The following SALL4 variants were observed in gnomAD, a reference collection of about 807,000 sequenced individuals.
SALL4 encodes the protein spalt like transcription factor 4.
A neutral mutation model predicts 60.8 loss-of-function variants in SALL4; 4 were observed. That is an observed-to-expected ratio of 0.07 (90% CI 0.03 to 0.15). SALL4 has a LOEUF of 0.15. Among genes scored for constraint, SALL4 ranks in the 10% least tolerant of loss-of-function variants. The pLI is 1.00. For missense variants in SALL4, 1,178 were observed against 1,394.7 expected, an observed-to-expected ratio of 0.84 and a Z score of 2.48; for synonymous variants, 580 against 574.9, an observed-to-expected ratio of 1.01 and a Z score of -0.13.
Position 51,784,102 on chromosome 20 carries a change from G to T in SALL4, c.*163C>A. On this transcript the variant is annotated 3_prime_UTR_variant, in exon 4 of 4. Transcript: ENST00000217086. ...TTTGCAAAGCAGCATAGCAACAATC[G>T]TGATTGTAGCACTTGCCTGAGGTTG... 2 of 760,452 alleles carry T rather than the reference G, an allele frequency of 2.6e-6. No individual in the cohort carries two copies. The highest frequency in any genetic ancestry group is 3.3e-5 in the South Asian group (2 of 60,140). 47.1% of individuals were successfully genotyped at this position (760,452 alleles called of 1,614,324 possible).
chr20:51,786,670 A>G (rs985040626), intron 3 of SALL4, among the ~76,000 whole-genome samples: 3 of 152,254 alleles, frequency 2.0e-5, no homozygotes, highest in African/African-American at 7.2e-5. Flanking sequence ...ATTATGCTAC[A>G]ATGTTGATAC....
At chr20:51,785,921 C>T (rs550967619) in intron 3 of SALL4, among the ~76,000 whole-genome samples, 19 of 151,804 alleles carry the variant, frequency 1.3e-4, no homozygotes, top group Middle Eastern at 3.4e-3. Flanking sequence ...GAATTACAGG[C>T]GTGAGCCACC....
At chr20:51,786,452 G>C (rs889320190) in intron 3 of SALL4, among the ~76,000 whole-genome samples, 6 of 151,304 alleles carry the variant, frequency 4.0e-5, no homozygotes, top group Non-Finnish European at 7.4e-5. Context: ...AGCTGGTCTC[G>C]AACTCCTGGC....
Position 51,784,447 on chromosome 20 carries a change from C to T in SALL4, c.2980G>A (p.Gly994Arg), listed in dbSNP as rs1322844313. 3 of 1,614,206 alleles carry T rather than the reference C, an allele frequency of 1.9e-6. No homozygotes were observed. Among genetic ancestry groups the T allele is most frequent in the Admixed American group, 3.3e-5 (2 of 60,022 alleles). Residue 994 changes from glycine to arginine, a missense_variant, in exon 4 of 4, where the codon GGG becomes AGG. Transcript: ENST00000217086. ...AAGGAAACCGGGAGGGTAGGAACCCCCCCACTCTGGATCACAGAGATCTCA... is the reference window on the plus strand; with the variant it reads ...AAGGAAACCGGGAGGGTAGGAACCCTCCCACTCTGGATCACAGAGATCTCA... ...TNEISVIQSG[G>R]VPTLPVSLGA...
intron 1 of SALL4, among the ~76,000 whole-genome samples, chr20:51,796,558 G>C (rs1240341302): frequency 1.3e-5 from 2 of 152,172 alleles, no homozygotes; most frequent in African/African-American, 4.8e-5. Context: ...CAAAAGATTA[G>C]ACACCCTTGC....
In SALL4 at chr20:51,784,625, G is replaced by C; in HGVS notation, c.2802C>G (p.Ala934=). Residue 934 remains alanine, a synonymous_variant, in exon 4 of 4, where the codon GCC becomes GCG. Transcript: ENST00000217086. ...NNSARRGRKL[A]IENTMALLGT... is the part of the protein sequence containing the mutation. ...CTAACAGAGCCATGGTGTTCTCGAT[G>C]GCCAACTTCCTTCCACGGCGGGCTG... is the stretch of plus-strand genomic sequence containing the variant. The C allele has an allele frequency of 6.2e-7, 1 of 1,614,194 alleles. No individual in the cohort carries two copies. The highest frequency in any genetic ancestry group is 1.1e-5 in the South Asian group (1 of 91,074).
intron 1 of SALL4, among the ~76,000 whole-genome samples, chr20:51,793,671 C>T (rs183111077): frequency 4.6e-5 from 7 of 152,312 alleles, no homozygotes; most frequent in Non-Finnish European, 1.5e-5. Context: ...GCAAGTGATC[C>T]GTCTGCCTCA....
In SALL4 at chr20:51,791,009, C is replaced by T; in HGVS notation, c.1474G>A (p.Gly492Arg). 1 of 1,614,082 alleles carries T rather than the reference C, an allele frequency of 6.2e-7. No homozygotes were observed. Among genetic ancestry groups the T allele is most frequent in the Non-Finnish European group, 8.5e-7 (1 of 1,180,018 alleles). ...CCCGTGAGGTCCTTGGGATTAGTCC[C>T]CGAAGAAAGATTCTGAGGTAGCCCT... ...SVGLPQNLSS[G>R]TNPKDLTGGS... Residue 492 changes from glycine to arginine, a missense_variant, in exon 2 of 4, where the codon GGG (glycine) becomes AGG (arginine). Physicochemically the swap from Gly to Arg is moderately radical, Grantham distance 125. Around this residue, in one of 5 missense-constraint regions of SALL4, gnomAD observed 853 missense variants for 1,036.8 expected, o/e 0.82. Transcript: ENST00000217086. This position sits in a 1 kb window ranked among gnomAD's most constrained non-coding sequence, Gnocchi z 4.6.
chr20:51,788,791 C>T lies in SALL4; in HGVS notation c.2742+70G>A. 8.8e-6 allele frequency: 14 copies of T among 1,591,626 alleles called. No individual in the cohort carries two copies. The highest frequency in any genetic ancestry group is 1.2e-5 in the Non-Finnish European group (14 of 1,167,476). On this transcript the variant is annotated intron_variant, in intron 3 of 3. Coordinates refer to ENST00000217086, the MANE Select transcript of SALL4 (RefSeq NM_020436.5). This position sits in a 1 kb window ranked among gnomAD's most constrained non-coding sequence, Gnocchi z 4.1. ...GGAATGGAAGGATGGAAGAACTCATCACGGCTTGTGCCAATAAGAAGACAC... is the reference window on the plus strand; with the variant it reads ...GGAATGGAAGGATGGAAGAACTCATTACGGCTTGTGCCAATAAGAAGACAC...
intron 1 of SALL4, 54 bp from the exon 2 acceptor site, chr20:51,792,406 G>A (rs1208674157): frequency 1.3e-6 from 2 of 1,592,124 alleles, no homozygotes; most frequent in Non-Finnish European, 1.7e-6. Flanking sequence ...GATGTGGGGG[G>A]AGCCGGGCAC....
rs1047132560 is a variant in SALL4 at position 51,790,430 on chromosome 20, C to T, written c.2053G>A (p.Asp685Asn). 2 of 1,613,974 alleles carry T rather than the reference C, an allele frequency of 1.2e-6. No homozygotes were observed. Among genetic ancestry groups the T allele is most frequent in the African/African-American group, 2.7e-5 (2 of 74,866 alleles). ...ENGSTGAICH[D>N]DVIESIDVEE... is the part of the protein sequence containing the mutation. Reference sequence around the variant, plus strand: ...ACATCGATGCTTTCGATGACATCATCATGGCAGATAGCGCCGGTGCTGCCG... The same window carrying T: ...ACATCGATGCTTTCGATGACATCATTATGGCAGATAGCGCCGGTGCTGCCG... The change falls in exon 2 of 4, where the codon GAT becomes AAT. Residue 685 changes from aspartate (D) to asparagine (N), a missense_variant. Coordinates refer to ENST00000217086, the MANE Select transcript of SALL4 (RefSeq NM_020436.5). This position sits in a 1 kb window ranked among gnomAD's most constrained non-coding sequence, Gnocchi z 5.5.
chr20:51,794,077 A>G (rs2078065840), intron 1 of SALL4, among the ~76,000 whole-genome samples: 1 of 152,236 alleles, frequency 6.6e-6, no homozygotes, highest in South Asian at 2.1e-4. Context: ...AGATGCCTGG[A>G]TTTACTGATT....
chr20:51,796,859 C>T (rs1256299024), intron 1 of SALL4, among the ~76,000 whole-genome samples: 1 of 151,954 alleles, frequency 6.6e-6, no homozygotes, highest in East Asian at 1.9e-4. Context: ...TTATAAAGTT[C>T]TAATATCACA....
At chr20:51,793,015 A>G in intron 1 of SALL4, 1 of 978,818 alleles carries the variant, frequency 1.0e-6, no homozygotes, top group Non-Finnish European at 1.2e-6. Flanking sequence ...ACACGAGCAT[A>G]CAATGATCTA....
In SALL4 at chr20:51,791,503, A is replaced by G. The variant is rs774875211; in HGVS notation, c.980T>C (p.Met327Thr). The G allele has an allele frequency of 1.2e-6, 2 of 1,614,102 alleles. No homozygotes were observed. The highest frequency in any genetic ancestry group is 1.7e-5 in the Admixed American group (1 of 60,034). ...PDGTRVLPNV[M>T]SRLPSALLPQ... ...AAGCAAAGCGCTCGGGAGGCGGGACATGACGTTCGGGAGCACCCGGGTCCC... is the reference window on the plus strand; with the variant it reads ...AAGCAAAGCGCTCGGGAGGCGGGACGTGACGTTCGGGAGCACCCGGGTCCC... The change falls in exon 2 of 4, where the codon ATG (methionine) becomes ACG (threonine). Residue 327 changes from methionine (M) to threonine (T), a missense_variant. Met to Thr is a moderately conservative substitution (Grantham distance 81, BLOSUM62 -1). Coordinates refer to ENST00000217086, the MANE Select transcript of SALL4 (RefSeq NM_020436.5). The surrounding 1 kb of genome is among the most constrained non-coding windows in gnomAD (Gnocchi z 4.6).
rs921501156 is a variant in SALL4, at chr20:51,784,006, C to T, written c.*259G>A. On this transcript the variant is annotated 3_prime_UTR_variant, in exon 4 of 4. Transcript: ENST00000217086. ...CTGCACTCCAGCCTGGGTGATAGAGCGAGACTCCATCTCAAAAAAAAAGAG... is the reference window on the plus strand; with the variant it reads ...CTGCACTCCAGCCTGGGTGATAGAGTGAGACTCCATCTCAAAAAAAAAGAG... 6 of 458,940 alleles carry T rather than the reference C, an allele frequency of 1.3e-5. No individual in the cohort carries two copies. Among genetic ancestry groups the T allele is most frequent in the African/African-American group, 6.0e-5 (3 of 50,270 alleles). 28.4% of individuals were successfully genotyped at this position (458,940 alleles called of 1,614,324 possible). A position where few individuals can be genotyped will look rare whatever the true frequency, so the allele number is the denominator to read the frequency against.
At chr20:51,789,782 C>A (rs932826098) in intron 2 of SALL4, among the ~76,000 whole-genome samples, 53 of 152,126 alleles carry the variant, frequency 3.5e-4, no homozygotes, top group African/African-American at 1.3e-3. Context: ...AAAATAAAAA[C>A]CAACAAAAAA....
At chr20:51,794,588 G>C (rs1222738548) in intron 1 of SALL4, among the ~76,000 whole-genome samples, 1 of 152,050 alleles carries the variant, frequency 6.6e-6, no homozygotes, top group Non-Finnish European at 1.5e-5. Context: ...AAATAAAGAT[G>C]TGAAAAACAG....
chr20:51,791,248 C>A lies in SALL4; in HGVS notation c.1235G>T (p.Cys412Phe). Residue 412 changes from cysteine to phenylalanine, a missense_variant, in exon 2 of 4, where the codon TGC becomes TTC. Around this residue, in one of 5 missense-constraint regions of SALL4, gnomAD observed 853 missense variants for 1,036.8 expected, o/e 0.82. Transcript: ENST00000217086. This position sits in a 1 kb window ranked among gnomAD's most constrained non-coding sequence, Gnocchi z 4.6. ...GGTGAAGCGATGACCACAGACAGAGCACACGAAGGGTCTCTCTCCAGTGTG... is the reference window on the plus strand; with the variant it reads ...GGTGAAGCGATGACCACAGACAGAGAACACGAAGGGTCTCTCTCCAGTGTG... ...RSHTGERPFV[C>F]SVCGHRFTTK... The A allele has an allele frequency of 6.2e-7, 1 of 1,614,082 alleles. No homozygotes were observed. Among genetic ancestry groups the A allele is most frequent in the Non-Finnish European group, 8.5e-7 (1 of 1,180,016 alleles).
Sources: gnomAD v4.1 joint callset for allele counts (sites outside exome capture counted in the v4.1 genomes callset) on GRCh38, gnomAD v4.1.1 for gene constraint, gnomAD v4.1.1 regional missense constraint, Gnocchi (gnomAD v3.1) non-coding constraint, MANE v1.5 for transcripts, NCBI Gene and HGNC (gene_info 2026-07-23, HGNC 2026-07-21) for gene names.